The following TRPM6 variants were observed in gnomAD, a reference collection of about 807,000 sequenced individuals.
The protein encoded by TRPM6 is channel kinase 2.
In TRPM6, 111 loss-of-function variants were observed where a neutral mutation model predicts 247.6. The ratio of observed to expected loss-of-function variants is 0.45; its 90% CI spans 0.38 to 0.52. The LOEUF is 0.52. Among genes scored for constraint, TRPM6 ranks in the 20% least tolerant of loss-of-function variants. The probability of loss-of-function intolerance (pLI) is 0.00; values close to 1 mark genes in which losing one functional copy is unlikely to be tolerated. For missense variants in TRPM6, 2,126 were observed against 2,421.5 expected (o/e 0.88, Z 2.56); for synonymous variants, 892 against 853.8 (o/e 1.04, Z -0.78).
At chr9:74,841,138 T>C (rs1829924864) in intron 4 of TRPM6, among the ~76,000 whole-genome samples, 1 of 152,226 alleles carries the variant, frequency 6.6e-6, no homozygotes, top group South Asian at 2.1e-4. Flanking sequence ...ACAAATACTT[T>C]TCACAAAAAC....
chr9:74,753,159 A>AATTTTT (rs1334095758), intron 28 of TRPM6, among the ~76,000 whole-genome samples: 2 of 151,296 alleles, frequency 1.3e-5, no homozygotes, highest in Non-Finnish European at 2.9e-5. Flanking sequence ...AAATAGATTT[A>AATTTTT]ATTTTTAGCC....
intron 23 of TRPM6, among the ~76,000 whole-genome samples, chr9:74,777,734 C>T (rs535182278): frequency 1.4e-4 from 22 of 152,132 alleles, no homozygotes; most frequent in Non-Finnish European, 3.2e-4. Context: ...ACTGTGGCAC[C>T]TTCTACAGAA....
intron 35 of TRPM6, among the ~76,000 whole-genome samples, chr9:74,739,139 C>T (rs1388524350): frequency 1.3e-5 from 2 of 152,214 alleles, no homozygotes; most frequent in Non-Finnish European, 2.9e-5. Context: ...GTTACAGCCT[C>T]TGAACCTCTT....
At position 74,873,838 on chromosome 9, in the gene TRPM6, G is replaced by T. The variant is rs1245350441; in HGVS notation, c.33+13986C>A. ...CTTTTATTGTAACTTAAAGATTTAG[G>T]GTAGGGTACAGACAAGTTTTTTATT... On this transcript the variant is annotated intron_variant, in intron 1 of 38. Transcript: ENST00000360774. Among the ~76,000 whole-genome samples, 3 of 151,646 alleles carry T rather than the reference G, an allele frequency of 2.0e-5. No individual in the cohort carries two copies. In the East Asian group the frequency reaches 5.8e-4, roughly 29 times the overall value.
Position 74,883,153 on chromosome 9 carries a change from T to C in TRPM6, c.33+4671A>G, listed in dbSNP as rs368433218. Among the ~76,000 whole-genome samples the C allele has an allele frequency of 6.2e-4, 95 of 152,334 alleles. 1 individual carries two copies. In the South Asian group the frequency reaches 0.018, roughly 28 times the overall value. ...CTGGTTTATTTTACTTAGCATTATG[T>C]CCTCAAGGTTCATCCATGTTGTAGC... is the stretch of plus-strand genomic sequence containing the variant. On this transcript the variant is annotated intron_variant, in intron 1 of 38. Transcript: ENST00000360774.
intron 27 of TRPM6, 40 bp downstream of exon 27, chr9:74,761,656 A>C (rs747385591): frequency 1.6e-6 from 2 of 1,283,306 alleles, no homozygotes; most frequent in Non-Finnish European, 1.1e-6. Flanking sequence ...CACTACCTTG[A>C]CTGCTCAAAA....
chr9:74,792,859 A>G, intron 18 of TRPM6, 89 bp from the exon 19 acceptor site: 1 of 1,300,298 alleles, frequency 7.7e-7, no homozygotes, highest in East Asian at 2.5e-5. Flanking sequence ...CATAAATAAT[A>G]TATTAGAAAT....
At chr9:74,810,773 GCAATA>G (rs1828701660) in intron 13 of TRPM6, 37 bp downstream of exon 13, 4 of 1,576,540 alleles carry the variant, frequency 2.5e-6, no homozygotes, top group African/African-American at 1.3e-5. Context: ...CAAAGCTAAG[GCAATA>G]CACAAAGACA....
At position 74,792,688 on chromosome 9, in the gene TRPM6, A is replaced by G; in HGVS notation, c.2474T>C (p.Leu825Pro). ...CTCATAGACTTTCCTGGTCCACGGA[A>G]GGTGTTGGTGCCCACTTTCCAAACC... is the stretch of plus-strand genomic sequence containing the variant. ...HFGLESGHQH[L>P]PWTRKVYEFY... is the part of the protein sequence containing the mutation. Residue 825 changes from leucine to proline, a missense_variant, in exon 19 of 39, where the codon CTT becomes CCT. By Grantham distance (98) the Leu-to-Pro change is moderately conservative (BLOSUM62 -3). Coordinates refer to ENST00000360774, the MANE Select transcript of TRPM6 (RefSeq NM_017662.5). 1 of 1,614,132 alleles carries G rather than the reference A, an allele frequency of 6.2e-7. No individual in the cohort carries two copies. The highest frequency in any genetic ancestry group is 8.5e-7 in the Non-Finnish European group (1 of 1,179,984).
Position 74,820,350 on chromosome 9 carries a change from T to C in TRPM6, c.1088A>G (p.Lys363Arg). Reference sequence around the variant, plus strand: ...CTCCATTAGAATTTGGAAAAGGTGCTTGGACTGTTTAAGACTAAAGTTGAA... The same window carrying C: ...CTCCATTAGAATTTGGAAAAGGTGCCTGGACTGTTTAAGACTAAAGTTGAA... ...NTFNFSLKQS[K>R]HLFQILMECM... The change falls in exon 9 of 39, where the codon AAG becomes AGG. Residue 363 changes from lysine (K) to arginine (R), a missense_variant. By Grantham distance (26) the Lys-to-Arg change is conservative. Around this residue, in one of 3 missense-constraint regions of TRPM6, gnomAD observed 1,082 missense variants for 1,307.9 expected, o/e 0.83. Transcript: ENST00000360774. The C allele has an allele frequency of 6.2e-7, 1 of 1,614,170 alleles. No individual in the cohort carries two copies. Among genetic ancestry groups the C allele is most frequent in the Admixed American group, 1.7e-5 (1 of 60,032 alleles).
rs558961528 is a variant in TRPM6 at position 74,817,682 on chromosome 9, C to G, written c.1135-718G>C. Among the ~76,000 whole-genome samples the G allele has an allele frequency of 3.3e-5, 5 of 152,288 alleles. No homozygotes were observed. In the East Asian group the frequency reaches 7.7e-4, roughly 23 times the overall value. On this transcript the variant is annotated intron_variant, in intron 9 of 38. Transcript: ENST00000360774. ...CTTGAGGCACTTGCTCACCCGTTCCCACCCTGTGGGGTGTGCTTTCATTTT... is the reference window on the plus strand; with the variant it reads ...CTTGAGGCACTTGCTCACCCGTTCCGACCCTGTGGGGTGTGCTTTCATTTT...
chr9:74,802,644 A>G (rs185100279), intron 15 of TRPM6, among the ~76,000 whole-genome samples: 350 of 152,316 alleles, frequency 2.3e-3, no homozygotes, highest in African/African-American at 8.1e-3. Context: ...ATGTATTTTT[A>G]AAAAGCTCTA....
intron 1 of TRPM6, among the ~76,000 whole-genome samples, chr9:74,868,423 AG>A (rs1447382085): frequency 6.6e-6 from 1 of 152,102 alleles, no homozygotes; most frequent in Non-Finnish European, 1.5e-5. Flanking sequence ...TGAACCCAGG[AG>A]GTGGAGGTTG....
rs201385236 is a variant in TRPM6, at chr9:74,852,450, CCTCCCTCTCCCT to C, written c.152+3065_152+3076del. Among the ~76,000 whole-genome samples the C allele has an allele frequency of 2.7e-3, 403 of 148,252 alleles. 6 individuals carry two copies. Among genetic ancestry groups the C allele is most frequent in the African/African-American group, 7.3e-3 (293 of 39,924 alleles). Reference sequence around the variant, plus strand: ...TCCCGCTCCCTCTCCCGCTCCCCCTCCTCCCTCTCCCTCTCCCTCTCCCTCTCCCTCTCCGTC... The same window carrying C: ...TCCCGCTCCCTCTCCCGCTCCCCCTCCTCCCTCTCCCTCTCCCTCTCCGTC... On this transcript the variant is annotated intron_variant, in intron 3 of 38. Coordinates refer to ENST00000360774, the MANE Select transcript of TRPM6 (RefSeq NM_017662.5).
intron 13 of TRPM6, 137 bp from the exon 14 acceptor site, chr9:74,808,311 T>A: frequency 9.2e-7 from 1 of 1,084,886 alleles, no homozygotes; most frequent in South Asian, 1.4e-5. Context: ...CTGATTAATT[T>A]AAGTGACCAG....
At chr9:74,807,948 T>C (rs1828589533) in intron 14 of TRPM6, 86 bp downstream of exon 14, 1 of 1,468,878 alleles carries the variant, frequency 6.8e-7, no homozygotes, top group Non-Finnish European at 9.5e-7. Flanking sequence ...AGGAGCTATT[T>C]TTGTCTGAAC....
intron 9 of TRPM6, among the ~76,000 whole-genome samples, chr9:74,817,946 C>G (rs1828999992): frequency 6.6e-6 from 1 of 152,116 alleles, no homozygotes; most frequent in Non-Finnish European, 1.5e-5. Context: ...ATGAGAGGAA[C>G]CTGTTGAATA....
chr9:74,786,248 T>C, intron 20 of TRPM6, 123 bp from the exon 21 acceptor site: 2 of 1,035,842 alleles, frequency 1.9e-6, no homozygotes, highest in Admixed American at 4.3e-5. Flanking sequence ...AAACCTTAAA[T>C]CACTTGCGGA....
At chr9:74,868,775 T>C (rs1411560795) in intron 1 of TRPM6, among the ~76,000 whole-genome samples, 1 of 152,106 alleles carries the variant, frequency 6.6e-6, no homozygotes, top group Non-Finnish European at 1.5e-5. Context: ...GATTTCAGCC[T>C]AGAGGAAAAT....
Sources: gnomAD v4.1 joint callset for allele counts (sites outside exome capture counted in the v4.1 genomes callset) on GRCh38, gnomAD v4.1.1 for gene constraint, gnomAD v4.1.1 regional missense constraint, MANE v1.5 for transcripts, NCBI Gene and HGNC (gene_info 2026-07-23, HGNC 2026-07-21) for gene names.